C1orf198: variants seen among roughly 807,000 people sequenced by gnomAD.
C1orf198 encodes the protein chromosome 1 open reading frame 198.
Under a neutral mutation model 31.4 loss-of-function variants are expected in C1orf198, and 17 were observed. The observed-to-expected ratio is 0.54, with a 90% CI of 0.37 to 0.81. The LOEUF (loss-of-function observed/expected upper bound fraction) is 0.81, where lower values mean the gene tolerates loss of function less well. Among genes scored for constraint, C1orf198 ranks in the 40% least tolerant of loss-of-function variants. C1orf198 has a pLI of 0.00. For synonymous variants in C1orf198, 175 were observed against 193.8 expected (o/e 0.90, Z 0.81); for missense variants, 401 against 450.3 (o/e 0.89, Z 0.99).
At chr1:230,848,624 C>T (rs1303521585) in intron 2 of C1orf198, among the ~76,000 whole-genome samples, 1 of 152,148 alleles carries the variant, frequency 6.6e-6, no homozygotes, top group Non-Finnish European at 1.5e-5. Context: ...AACATACAGT[C>T]TCTGATTTCA....
rs1669403090 is a variant in C1orf198 at position 230,840,145 on chromosome 1, G to A, written c.928-237C>T. ...CCTCTTCAACCCCAGGCATGTCTGTGAGCAGCTTACAGACCTTACAGAGAA... is the reference window on the plus strand; with the variant it reads ...CCTCTTCAACCCCAGGCATGTCTGTAAGCAGCTTACAGACCTTACAGAGAA... On this transcript the variant is annotated intron_variant, in intron 3 of 3. Coordinates refer to ENST00000366663, the MANE Select transcript of C1orf198 (RefSeq NM_032800.3). The surrounding 1 kb of genome is among the most constrained non-coding windows in gnomAD (Gnocchi z 4.0). Among the ~76,000 whole-genome samples, 1 of 152,138 alleles carries A rather than the reference G, an allele frequency of 6.6e-6. No homozygotes were observed. Among genetic ancestry groups the A allele is most frequent in the Non-Finnish European group, 1.5e-5 (1 of 68,034 alleles).
chr1:230,854,459 C>T (rs1436549118), intron 2 of C1orf198, among the ~76,000 whole-genome samples: 2 of 152,260 alleles, frequency 1.3e-5, no homozygotes, highest in East Asian at 1.9e-4. Flanking sequence ...CAATTGCAGG[C>T]GGCTCCTTAA....
rs752551488 is a variant in C1orf198 at position 230,868,396 on chromosome 1, C to T, written c.117G>A (p.Met39Ile). Residue 39 changes from methionine to isoleucine, a missense_variant, in exon 1 of 4, where the codon ATG becomes ATA. Transcript: ENST00000366663. Reference sequence around the variant, plus strand: ...CCTTGTCCTGCATGATCTTCCTGGCCATGGGGCTCAGCGACGAGAAGTAAG... The same window carrying T: ...CCTTGTCCTGCATGATCTTCCTGGCTATGGGGCTCAGCGACGAGAAGTAAG... ...RFTYFSSLSPMARKIMQDKEK... is the reference protein window; with the variant it reads ...RFTYFSSLSPIARKIMQDKEK... 18 of 1,597,206 alleles carry T rather than the reference C, an allele frequency of 1.1e-5. No individual in the cohort carries two copies. In the Admixed American group the frequency reaches 2.2e-4, roughly 20 times the overall value.
intron 2 of C1orf198, among the ~76,000 whole-genome samples, chr1:230,852,488 T>G (rs2102983790): frequency 6.6e-6 from 1 of 152,302 alleles, no homozygotes; most frequent in African/African-American, 2.4e-5. Context: ...ACTTAATCAT[T>G]CCACAATGTA....
At position 230,837,898 on chromosome 1, in the gene C1orf198, T is replaced by C. The variant is rs1324184697; in HGVS notation, c.*1954A>G. On this transcript the variant is annotated 3_prime_UTR_variant, in exon 4 of 4. Coordinates refer to ENST00000366663, the MANE Select transcript of C1orf198 (RefSeq NM_032800.3). ...CACCAAGAAGAACTTGGAGGGAATATTGGGCTTGTTGAGAAAGTGGGAAAG... is the reference window on the plus strand; with the variant it reads ...CACCAAGAAGAACTTGGAGGGAATACTGGGCTTGTTGAGAAAGTGGGAAAG... 2 of 152,232 alleles carry C rather than the reference T, an allele frequency of 1.3e-5. No homozygotes were observed. Among genetic ancestry groups the C allele is most frequent in the South Asian group, 2.1e-4 (1 of 4,830 alleles). The allele number at this position is 152,232 out of a possible 1,614,324, so 9.4% of individuals were successfully genotyped here.
chr1:230,845,043 A>G (rs1426665442), intron 2 of C1orf198, among the ~76,000 whole-genome samples: 5 of 151,282 alleles, frequency 3.3e-5, no homozygotes. Flanking sequence ...CACCATTTCT[A>G]CTCCCTCATA....
Position 230,843,803 on chromosome 1 carries a change from G to A in C1orf198, c.478C>T (p.Gln160Ter). ...SEPRPLSKAS[Q>*]GSQALKSSQG... is the part of the protein sequence containing the mutation. ...GAGGACTTGAGGGCCTGGGAGCCCT[G>A]GGAAGCTTTGGACAGTGGTCTGGGC... is the stretch of plus-strand genomic sequence containing the variant. The change falls in exon 3 of 4, where the codon CAG (glutamine) becomes TAG (stop). Residue 160 changes from glutamine to a stop codon, truncating the protein, a stop_gained. Transcript: ENST00000366663. LOFTEE classifies it high-confidence loss of function. This position sits in a 1 kb window ranked among gnomAD's most constrained non-coding sequence, Gnocchi z 4.9. 6.2e-7 allele frequency: 1 copy of A among 1,603,710 alleles called. No individual in the cohort carries two copies. The highest frequency in any genetic ancestry group is 8.5e-7 in the Non-Finnish European group (1 of 1,174,494).
chr1:230,863,733 C>CCGA (rs1307939680), intron 1 of C1orf198, among the ~76,000 whole-genome samples: 2 of 152,136 alleles, frequency 1.3e-5, no homozygotes, highest in African/African-American at 4.8e-5. Context: ...CAGAACAGGC[C>CCGA]CGACCGCCCT....
chr1:230,864,226 T>C (rs1670062100), intron 1 of C1orf198, among the ~76,000 whole-genome samples: 1 of 152,204 alleles, frequency 6.6e-6, no homozygotes, highest in Non-Finnish European at 1.5e-5. Flanking sequence ...AATTGGTTTA[T>C]TTTAGAAAGC....
intron 2 of C1orf198, among the ~76,000 whole-genome samples, chr1:230,851,388 C>A (rs939678547): frequency 1.9e-4 from 29 of 152,280 alleles, no homozygotes; most frequent in Admixed American, 1.8e-3. Context: ...AAGAGCCCAG[C>A]CAACTTTGAA....
At chr1:230,868,017 C>G (rs973716914) in intron 1 of C1orf198, among the ~76,000 whole-genome samples, 163 bp downstream of exon 1, 5 of 152,222 alleles carry the variant, frequency 3.3e-5, no homozygotes, top group Admixed American at 6.5e-5. Context: ...CCCCACCCCC[C>G]GAACTTCGGC....
intron 1 of C1orf198, among the ~76,000 whole-genome samples, chr1:230,865,857 A>G (rs1670108149): frequency 6.6e-6 from 1 of 152,252 alleles, no homozygotes; most frequent in South Asian, 2.1e-4. Context: ...GCTCTGACTT[A>G]AAACGTTGCT....
chr1:230,867,824 C>G (rs1325832226), intron 1 of C1orf198, among the ~76,000 whole-genome samples: 1 of 152,194 alleles, frequency 6.6e-6, no homozygotes, highest in African/African-American at 2.4e-5. Flanking sequence ...AGTAGCAGAG[C>G]TGGATTAAAA....
In C1orf198 at chr1:230,864,641, C is replaced by T. The variant is rs575086397; in HGVS notation, c.333+3539G>A. Among the ~76,000 whole-genome samples, 5 of 152,250 alleles carry T rather than the reference C, an allele frequency of 3.3e-5. No homozygotes were observed. The South Asian group carries it at 1.0e-3, about 32-fold the overall frequency. On this transcript the variant is annotated intron_variant, in intron 1 of 3. Coordinates refer to ENST00000366663, the MANE Select transcript of C1orf198 (RefSeq NM_032800.3). ...AGGGATATTGAAACACCCTTCTTGC[C>T]CAGCTCCACCGTATGGAGAGATGGA...
rs1669402083 is a variant in C1orf198 at position 230,840,088 on chromosome 1, A to C, written c.928-180T>G. On this transcript the variant is annotated intron_variant, in intron 3 of 3. Transcript: ENST00000366663. This position sits in a 1 kb window ranked among gnomAD's most constrained non-coding sequence, Gnocchi z 4.0. Reference sequence around the variant, plus strand: ...CAGAAGATTAAATACAGTTCAATGCAATCTATACTCTGCCAGCATCCAACA... The same window carrying C: ...CAGAAGATTAAATACAGTTCAATGCCATCTATACTCTGCCAGCATCCAACA... 6.6e-6 allele frequency among the ~76,000 whole-genome samples: 1 copy of C among 152,232 alleles called. No homozygotes were observed. The highest frequency in any genetic ancestry group is 1.5e-5 in the Non-Finnish European group (1 of 68,050).
rs146675446 is a variant in C1orf198, at chr1:230,840,129, C to T, written c.928-221G>A. Among the ~76,000 whole-genome samples, 8 of 152,316 alleles carry T rather than the reference C, an allele frequency of 5.3e-5. No individual in the cohort carries two copies. In the East Asian group the frequency reaches 1.5e-3, roughly 29 times the overall value. On this transcript the variant is annotated intron_variant, in intron 3 of 3. Coordinates refer to ENST00000366663, the MANE Select transcript of C1orf198 (RefSeq NM_032800.3). This position sits in a 1 kb window ranked among gnomAD's most constrained non-coding sequence, Gnocchi z 4.0. ...GCATCCAACACTAACCCCTCTTCAACCCCAGGCATGTCTGTGAGCAGCTTA... is the reference window on the plus strand; with the variant it reads ...GCATCCAACACTAACCCCTCTTCAATCCCAGGCATGTCTGTGAGCAGCTTA...
chr1:230,868,792 A>C (rs1164799344), upstream of C1orf198: 8 of 151,110 alleles, frequency 5.3e-5, no homozygotes, highest in Non-Finnish European at 9.4e-5. Context: ...CGGTGCCCGC[A>C]GGTTTCGGGC....
At chr1:230,856,755 T>C (rs1219849939) in intron 1 of C1orf198, among the ~76,000 whole-genome samples, 1 of 152,156 alleles carries the variant, frequency 6.6e-6, no homozygotes, top group African/African-American at 2.4e-5. Context: ...CAGGCTAAAA[T>C]GGGATAAAAT....
chr1:230,853,762 T>C (rs1423671540), intron 2 of C1orf198, among the ~76,000 whole-genome samples: 1 of 152,190 alleles, frequency 6.6e-6, no homozygotes, highest in Non-Finnish European at 1.5e-5. Context: ...GGGTGACACA[T>C]ATTAACCAGA....
Sources: allele counts gnomAD v4.1 joint callset (sites outside exome capture counted in the v4.1 genomes callset), GRCh38; gene constraint gnomAD v4.1.1; non-coding constraint Gnocchi (gnomAD v3.1); transcripts MANE v1.5; gene names NCBI Gene and HGNC (gene_info 2026-07-23, HGNC 2026-07-21).